The following DNAH11 variants were observed in gnomAD, a reference collection of about 807,000 sequenced individuals.
DNAH11 encodes dynein axonemal heavy chain 11.
A neutral mutation model predicts 526.0 loss-of-function variants in DNAH11; 442 were observed. The ratio of observed to expected loss-of-function variants is 0.84; its 90% CI spans 0.78 to 0.91. DNAH11 has a LOEUF of 0.91. Among genes scored for constraint, DNAH11 ranks in the 40% least tolerant of loss-of-function variants. The pLI is 0.00. For missense variants in DNAH11, 6,989 were observed against 5,448.7 expected, an observed-to-expected ratio of 1.28 and a Z score of -8.90; for synonymous variants, 2,461 against 1,935.9, an observed-to-expected ratio of 1.27 and a Z score of -7.12.
intron 32 of DNAH11, 124 bp downstream of exon 32, chr7:21,684,068 A>T: frequency 9.8e-7 from 1 of 1,021,772 alleles, no homozygotes; most frequent in Non-Finnish European, 1.4e-6. Flanking sequence ...TGGTGAAGAG[A>T]ATTGAATTAG....
chr7:21,772,718 T>C (rs1161722707), intron 55 of DNAH11, among the ~76,000 whole-genome samples: 1 of 152,206 alleles, frequency 6.6e-6, no homozygotes, highest in Non-Finnish European at 1.5e-5. Flanking sequence ...GGATTTTTAA[T>C]ACGCAGCACA....
At chr7:21,694,783 C>T (rs957386987) in intron 35 of DNAH11, among the ~76,000 whole-genome samples, 2 of 152,140 alleles carry the variant, frequency 1.3e-5, no homozygotes, top group Non-Finnish European at 2.9e-5. Flanking sequence ...ACACTGTCTT[C>T]CACAATGGTT....
At chr7:21,627,071 C>A (rs6944370) in intron 25 of DNAH11, among the ~76,000 whole-genome samples, 54,492 of 151,826 alleles carry the variant, frequency 0.36, 10,258 homozygotes, top group East Asian at 0.54. Flanking sequence ...TTGAGAAATG[C>A]CTATTCAAAT....
chr7:21,673,413 A>G (rs1263975137), intron 30 of DNAH11, among the ~76,000 whole-genome samples: 1 of 152,194 alleles, frequency 6.6e-6, no homozygotes, highest in Non-Finnish European at 1.5e-5. Flanking sequence ...GTACCCATAC[A>G]ATGCCTGTCA....
chr7:21,842,172 C>T (rs537697422), intron 65 of DNAH11, among the ~76,000 whole-genome samples: 2 of 152,276 alleles, frequency 1.3e-5, no homozygotes, highest in African/African-American at 2.4e-5. Context: ...CTGGTTTCTT[C>T]ATATGTTGTT....
At chr7:21,654,814 C>G (rs1012787346) in intron 28 of DNAH11, among the ~76,000 whole-genome samples, 4 of 152,130 alleles carry the variant, frequency 2.6e-5, no homozygotes, top group Non-Finnish European at 5.9e-5. Flanking sequence ...AAAGTCTGTT[C>G]TCTTTTTGTC....
intron 74 of DNAH11, among the ~76,000 whole-genome samples, chr7:21,873,784 C>CTTGTTTT: frequency 4.2e-5 from 3 of 70,700 alleles, no homozygotes; most frequent in African/African-American, 1.2e-4. Context: ...GAGGAGGTTG[C>CTTGTTTT]TTTTTTTTTT....
At chr7:21,795,060 T>C (rs1259041626) in intron 61 of DNAH11, among the ~76,000 whole-genome samples, 2 of 152,326 alleles carry the variant, frequency 1.3e-5, no homozygotes, top group Non-Finnish European at 2.9e-5. Flanking sequence ...GATATTTGTT[T>C]TGGGTTTTCT....
chr7:21,750,071 G>C, intron 53 of DNAH11, 151 bp from the exon 54 acceptor site: 2 of 1,144,276 alleles, frequency 1.7e-6, no homozygotes, highest in East Asian at 5.2e-5. Context: ...TGTATGTCTC[G>C]TAAATAAAAA....
intron 56 of DNAH11, among the ~76,000 whole-genome samples, chr7:21,777,301 G>A (rs1012596952): frequency 6.6e-6 from 1 of 152,064 alleles, no homozygotes; most frequent in African/African-American, 2.4e-5. Flanking sequence ...ACAGAATGAA[G>A]GTAGCACAAT....
intron 65 of DNAH11, among the ~76,000 whole-genome samples, chr7:21,826,593 A>G (rs80002696): frequency 0.075 from 11,306 of 151,188 alleles, 601 homozygotes; most frequent in Middle Eastern, 0.12. Flanking sequence ...TGATTTCTCT[A>G]TCCTCTTTTT....
chr7:21,800,796 G>A (rs565547048), intron 61 of DNAH11, among the ~76,000 whole-genome samples: 4 of 152,282 alleles, frequency 2.6e-5, no homozygotes, highest in African/African-American at 7.2e-5. Flanking sequence ...TGGAGGATGA[G>A]GCTTGGGTGC....
intron 76 of DNAH11, among the ~76,000 whole-genome samples, chr7:21,888,774 C>T (rs1211368509): frequency 6.6e-6 from 1 of 152,142 alleles, no homozygotes; most frequent in African/African-American, 2.4e-5. Context: ...AGGCATGAGC[C>T]ACCATGCCTG....
rs1469116523 is a variant in DNAH11, at chr7:21,787,323, G to C, written c.9742-78G>C. 1.1e-5 allele frequency: 16 copies of C among 1,451,494 alleles called. No homozygotes were observed. In the East Asian group the frequency reaches 2.3e-4, roughly 21 times the overall value. 89.9% of individuals were successfully genotyped at this position (1,451,494 alleles called of 1,614,324 possible). A position where few individuals can be genotyped will look rare whatever the true frequency, so the allele number is the denominator to read the frequency against. The stretch of plus-strand genomic sequence containing the variant: ...TGCTTTTGTAATGTGAGTCCTAAAA[G>C]CTGATTTTAACTTTTGATCTTGGAA... On this transcript the variant is annotated intron_variant, in intron 59 of 81. Transcript: ENST00000409508.
intron 30 of DNAH11, among the ~76,000 whole-genome samples, chr7:21,670,773 C>T (rs1782613219): frequency 1.3e-5 from 2 of 152,006 alleles, no homozygotes; most frequent in Admixed American, 6.6e-5. Flanking sequence ...GATGACCATG[C>T]CATTCTGTTA....
At chr7:21,659,091 A>G in intron 30 of DNAH11, 60 bp downstream of exon 30, 1 of 1,354,214 alleles carries the variant, frequency 7.4e-7, no homozygotes. Context: ...AGCTTGCTTC[A>G]TTCATTCTTT....
At chr7:21,652,874 A>G (rs1232976240) in intron 28 of DNAH11, among the ~76,000 whole-genome samples, 1 of 151,776 alleles carries the variant, frequency 6.6e-6, no homozygotes, top group East Asian at 1.9e-4. Flanking sequence ...TTTAATATTT[A>G]TTTATTTATT....
chr7:21,658,274 G>A lies in DNAH11; in HGVS notation c.5095-524G>A, dbSNP rs10499537. Reference sequence around the variant, plus strand: ...AGAGCCAGTAGGGAATATAATTAAGGTACTTGCTGAAAACATTTTATCTTA... The same window carrying A: ...AGAGCCAGTAGGGAATATAATTAAGATACTTGCTGAAAACATTTTATCTTA... On this transcript the variant is annotated intron_variant, in intron 29 of 81. Transcript: ENST00000409508. 8.1e-3 allele frequency among the ~76,000 whole-genome samples: 1,226 copies of A among 152,094 alleles called. 46 individuals carry two copies. In the South Asian group the frequency reaches 0.083, roughly 10 times the overall value.
At chr7:21,584,387 A>G (rs1009448518) in intron 9 of DNAH11, among the ~76,000 whole-genome samples, 4 of 152,158 alleles carry the variant, frequency 2.6e-5, no homozygotes, top group Admixed American at 6.5e-5. Context: ...GTGAGAACAC[A>G]TGGACACAGA....
Sources: gnomAD v4.1 joint callset for allele counts (sites outside exome capture counted in the v4.1 genomes callset) on GRCh38, gnomAD v4.1.1 for gene constraint, MANE v1.5 for transcripts, NCBI Gene and HGNC (gene_info 2026-07-23, HGNC 2026-07-21) for gene names.